The following MIA3 variants were observed in gnomAD, a reference collection of about 807,000 sequenced individuals.
MIA3 encodes the protein MIA SH3 domain ER export factor 3.
MIA3 carries 90 observed loss-of-function variants against 192.4 expected under a neutral mutation model. The ratio of observed to expected loss-of-function variants is 0.47; its 90% CI spans 0.39 to 0.56. The LOEUF is 0.56. MIA3 is among the 20% of genes least tolerant of loss of function. The pLI, the probability that MIA3 is intolerant of heterozygous loss-of-function variation, is 0.00. For missense variants in MIA3, 2,123 were observed against 2,269.4 expected, an observed-to-expected ratio of 0.94 and a Z score of 1.31; for synonymous variants, 740 against 792.8, an observed-to-expected ratio of 0.93 and a Z score of 1.12.
Position 222,646,478 on chromosome 1 carries a change from G to A in MIA3, c.3609+793G>A, listed in dbSNP as rs189712103. On this transcript the variant is annotated intron_variant, in intron 7 of 27. Coordinates refer to ENST00000344922, the MANE Select transcript of MIA3 (RefSeq NM_198551.4). ...CATTAAATATCTTACATGGCCGGGCGTGGTGGCTCACACCTGTAATACCAG... is the reference window on the plus strand; with the variant it reads ...CATTAAATATCTTACATGGCCGGGCATGGTGGCTCACACCTGTAATACCAG... Among the ~76,000 whole-genome samples the A allele has an allele frequency of 3.6e-4, 54 of 150,408 alleles. No individual in the cohort carries two copies. The Middle Eastern group carries it at 0.011, about 31-fold the overall frequency.
At position 222,650,394 on chromosome 1, in the gene MIA3, TTG is replaced by T. The variant is rs765055562; in HGVS notation, c.3720+16_3720+17del. On this transcript the variant is annotated intron_variant, in intron 9 of 27. Coordinates refer to ENST00000344922, the MANE Select transcript of MIA3 (RefSeq NM_198551.4). Reference sequence around the variant, plus strand: ...TATGAACAGAAGGTATGATTATTCTTTGTTTTTTTTTTTTTTCATGGTCCCAG... The same window carrying T: ...TATGAACAGAAGGTATGATTATTCTTTTTTTTTTTTTTTTCATGGTCCCAG... 1.5e-4 allele frequency: 207 copies of T among 1,367,268 alleles called. No homozygotes were observed. The highest frequency in any genetic ancestry group is 2.0e-4 in the Non-Finnish European group (192 of 982,166). The allele number at this position is 1,367,268 out of a possible 1,614,324, so 84.7% of individuals were successfully genotyped here. A position where few individuals can be genotyped will look rare whatever the true frequency, so the allele number is the denominator to read the frequency against.
chr1:222,659,778 G>A lies in MIA3; in HGVS notation c.4851G>A (p.Arg1617=). Residue 1617 remains arginine, a synonymous_variant, in exon 22 of 28, where the codon AGG becomes AGA. Coordinates refer to ENST00000344922, the MANE Select transcript of MIA3 (RefSeq NM_198551.4). Reference sequence around the variant, plus strand: ...AAAGAGCTATAGCTGAAGAGAAAAGGGAAGCTGCCAATTTGAGACACAAGT... The same window carrying A: ...AAAGAGCTATAGCTGAAGAGAAAAGAGAAGCTGCCAATTTGAGACACAAGT... ...AAERAIAEEK[R]EAANLRHKLL... 1 of 1,614,094 alleles carries A rather than the reference G, an allele frequency of 6.2e-7. No individual in the cohort carries two copies. The highest frequency in any genetic ancestry group is 2.2e-5 in the East Asian group (1 of 44,874).
chr1:222,653,011 C>T lies in MIA3; in HGVS notation c.4090C>T (p.Gln1364Ter). 1 of 1,609,952 alleles carries T rather than the reference C, an allele frequency of 6.2e-7. No homozygotes were observed. The highest frequency in any genetic ancestry group is 8.5e-7 in the Non-Finnish European group (1 of 1,176,864). The change falls in exon 14 of 28, where the codon CAG (glutamine) becomes TAG (stop). Residue 1364 changes from glutamine (Q) to a stop codon, truncating the protein, a stop_gained. Coordinates refer to ENST00000344922, the MANE Select transcript of MIA3 (RefSeq NM_198551.4). LOFTEE classifies it high-confidence loss of function. ...ARLKKKKEQL[Q>*]QEIEDWSKLH... Reference sequence around the variant, plus strand: ...ATCATGTGTTTTAACTTTGCAGTTGCAGCAGGAAATCGAAGACTGGAGTAA... The same window carrying T: ...ATCATGTGTTTTAACTTTGCAGTTGTAGCAGGAAATCGAAGACTGGAGTAA...
chr1:222,634,192 A>G (rs994064433), intron 6 of MIA3, among the ~76,000 whole-genome samples: 3 of 151,342 alleles, frequency 2.0e-5, no homozygotes, highest in Admixed American at 1.3e-4. Flanking sequence ...AGGGTGGTGC[A>G]CACCTGTAAT....
rs909085143 is a variant in MIA3 at position 222,666,546 on chromosome 1, A to ATCTT, written c.*930_*933dup. The ATCTT allele has an allele frequency of 3.3e-5, 5 of 152,072 alleles. No homozygotes were observed. The highest frequency in any genetic ancestry group is 1.2e-4 in the African/African-American group (5 of 41,388). 9.4% of individuals were successfully genotyped at this position (152,072 alleles called of 1,614,324 possible). On this transcript the variant is annotated 3_prime_UTR_variant, in exon 28 of 28. Transcript: ENST00000344922. ...TTTTAAAATGTACAGTCCCTTATCT[A>ATCTT]TCTTTCCCATTCCTTGCCACTGATT...
At chr1:222,643,559 A>G (rs1040412581) in intron 6 of MIA3, among the ~76,000 whole-genome samples, 5 of 152,108 alleles carry the variant, frequency 3.3e-5, no homozygotes, top group African/African-American at 1.2e-4. Context: ...TTTTTTATCT[A>G]CAGATACCAT....
intron 11 of MIA3, among the ~76,000 whole-genome samples, 193 bp from the exon 12 acceptor site, chr1:222,651,784 C>A (rs1663449428): frequency 6.6e-6 from 1 of 152,046 alleles, no homozygotes; most frequent in East Asian, 1.9e-4. Context: ...AATATTTATG[C>A]CTTTGATTAT....
In MIA3 at chr1:222,653,120, ATAATAT is replaced by A. The variant is rs763968148; in HGVS notation, c.4204_4209del (p.Ile1402_Asn1403del). The A allele has an allele frequency of 6.2e-7, 1 of 1,609,958 alleles. No homozygotes were observed. Among genetic ancestry groups the A allele is most frequent in the African/African-American group, 1.3e-5 (1 of 74,964 alleles). ...GAAGTAGCTCTTACTCACAAGGATGATAATATTAATGTAAGTGCGTTCATGAATACA... is the reference window on the plus strand; with the variant it reads ...GAAGTAGCTCTTACTCACAAGGATGATAATGTAAGTGCGTTCATGAATACA... On this transcript the variant is annotated inframe_deletion, in exon 14 of 28. Transcript: ENST00000344922.
At chr1:222,620,724 A>C (rs1661816749) in intron 1 of MIA3, among the ~76,000 whole-genome samples, 2 of 152,206 alleles carry the variant, frequency 1.3e-5, no homozygotes, top group South Asian at 4.1e-4. Context: ...GTTCCCTATT[A>C]CCCGTTCATG....
rs1662305644 is a variant in MIA3 at position 222,629,748 on chromosome 1, A to T, written c.2528A>T (p.Glu843Val). 3.1e-6 allele frequency: 5 copies of T among 1,614,102 alleles called. No homozygotes were observed. Among genetic ancestry groups the T allele is most frequent in the Non-Finnish European group, 4.2e-6 (5 of 1,180,046 alleles). The change falls in exon 4 of 28, where the codon GAA becomes GTA. Residue 843 changes from glutamate (E) to valine (V), a missense_variant. By Grantham distance (121) the Glu-to-Val change is moderately radical. This residue lies in a region of MIA3 where 1,357 missense variants were observed against 1,396.1 expected (regional missense o/e 0.97). Coordinates refer to ENST00000344922, the MANE Select transcript of MIA3 (RefSeq NM_198551.4). ...AAAATTCAGACTCCAGAATTAGGTG[A>T]AGTGTTTCAGAATAAAGATTCTGAT... ...SIKIQTPELGEVFQNKDSDYL... is the reference protein window; with the variant it reads ...SIKIQTPELGVVFQNKDSDYL...
intron 1 of MIA3, among the ~76,000 whole-genome samples, chr1:222,618,567 A>G (rs944027441): frequency 4.6e-5 from 7 of 151,976 alleles, no homozygotes; most frequent in Non-Finnish European, 1.0e-4. Context: ...CTTCCCCAAT[A>G]GTGGCTCACA....
chr1:222,644,614 C>G, intron 6 of MIA3: 1 of 1,550,196 alleles, frequency 6.5e-7, no homozygotes, highest in Middle Eastern at 1.7e-4. Context: ...CGGGGAGGGA[C>G]CCAAGCTGTC....
rs1035810576 is a variant in MIA3 at position 222,628,923 on chromosome 1, A to G, written c.1703A>G (p.Asn568Ser). The change falls in exon 4 of 28, where the codon AAT becomes AGT. Residue 568 changes from asparagine to serine, a missense_variant. By Grantham distance (46) the Asn-to-Ser change is conservative (BLOSUM62 1). This residue lies in a region of MIA3 where 1,357 missense variants were observed against 1,396.1 expected (regional missense o/e 0.97). Coordinates refer to ENST00000344922, the MANE Select transcript of MIA3 (RefSeq NM_198551.4). ...SAQKAAGNQM[N>S]DRKIQQESLG... ...CAGAAAGCTGCAGGGAATCAAATGA[A>G]TGACAGAAAGATTCAACAGGAATCC... The G allele has an allele frequency of 2.5e-6, 4 of 1,614,200 alleles. No individual in the cohort carries two copies. Among genetic ancestry groups the G allele is most frequent in the Non-Finnish European group, 3.4e-6 (4 of 1,180,030 alleles).
intron 7 of MIA3, 62 bp downstream of exon 7, chr1:222,645,747 TTTTG>T: frequency 1.4e-6 from 2 of 1,425,138 alleles, no homozygotes; most frequent in Non-Finnish European, 9.7e-7. Context: ...ATCACAGTCC[TTTTG>T]TTTCTTTTTC....
In MIA3 at chr1:222,659,610, T is replaced by C. The variant is rs149401792; in HGVS notation, c.4771-12T>C. The C allele has an allele frequency of 2.9e-5, 46 of 1,613,812 alleles. No individual in the cohort carries two copies. In the East Asian group the frequency reaches 8.5e-4, roughly 30 times the overall value. ...TCTGTATGCATATTTTGTGATGTAT[T>C]ATCTTTTTCAGATCGCTACCCATGA... On this transcript the variant is annotated splice_polypyrimidine_tract_variant and intron_variant, in intron 20 of 27. Transcript: ENST00000344922.
chr1:222,651,529 A>T (rs557210780), intron 11 of MIA3, among the ~76,000 whole-genome samples: 1 of 151,998 alleles, frequency 6.6e-6, no homozygotes, highest in African/African-American at 2.4e-5. Flanking sequence ...TGATCTGTCT[A>T]TTCTCACTCC....
In MIA3 at chr1:222,627,824, G is replaced by C. The variant is rs1332474409; in HGVS notation, c.604G>C (p.Glu202Gln). Residue 202 changes from glutamate (E) to glutamine (Q), a missense_variant, in exon 4 of 28, where the codon GAA becomes CAA. By Grantham distance (29) the Glu-to-Gln change is conservative. This residue lies in a region of MIA3 where 1,357 missense variants were observed against 1,396.1 expected (regional missense o/e 0.97). Transcript: ENST00000344922. ...CTCAGAAAACACTGAGGATCTTCAG[G>C]AACAGTTTACAACTCAGAAGCACCA... is the stretch of plus-strand genomic sequence containing the variant. Reference protein sequence around the residue: ...VFSENTEDLQEQFTTQKHHSH... With the variant: ...VFSENTEDLQQQFTTQKHHSH... 6.2e-7 allele frequency: 1 copy of C among 1,613,966 alleles called. No homozygotes were observed. The highest frequency in any genetic ancestry group is 8.5e-7 in the Non-Finnish European group (1 of 1,180,002).
intron 9 of MIA3, 85 bp downstream of exon 9, chr1:222,650,465 A>G: frequency 1.2e-6 from 1 of 843,782 alleles, no homozygotes; most frequent in Non-Finnish European, 1.9e-6. Flanking sequence ...TTACTATGGT[A>G]TTTTTAAATA....
Position 222,618,177 on chromosome 1 carries a change from C to A in MIA3, c.67C>A (p.Gln23Lys). Residue 23 changes from glutamine (Q) to lysine (K), a missense_variant, in exon 1 of 28, where the codon CAG (glutamine) becomes AAG (lysine). Transcript: ENST00000344922. ...CCGGCTGCCCTGGCGGGTGCCGGGCCAGCTGGACCCCAGCACTGGCCGGCG... is the reference window on the plus strand; with the variant it reads ...CCGGCTGCCCTGGCGGGTGCCGGGCAAGCTGGACCCCAGCACTGGCCGGCG... ...VLRLPWRVPG[Q>K]LDPSTGRRFS... The A allele has an allele frequency of 6.6e-7, 1 of 1,503,942 alleles. No homozygotes were observed. Among genetic ancestry groups the A allele is most frequent in the Admixed American group, 2.1e-5 (1 of 47,598 alleles). 93.2% of individuals were successfully genotyped at this position (1,503,942 alleles called of 1,614,324 possible).
Sources: gnomAD v4.1 joint callset for allele counts (sites outside exome capture counted in the v4.1 genomes callset) on GRCh38, gnomAD v4.1.1 for gene constraint, gnomAD v4.1.1 regional missense constraint, MANE v1.5 for transcripts, NCBI Gene and HGNC (gene_info 2026-07-23, HGNC 2026-07-21) for gene names.